The following IFT140 variants were observed in gnomAD, a reference collection of about 807,000 sequenced individuals.
IFT140 encodes the protein intraflagellar transport 140.
Under a neutral mutation model 164.6 loss-of-function variants are expected in IFT140, and 133 were observed. The ratio of observed to expected loss-of-function variants is 0.81; its 90% CI spans 0.70 to 0.93. The LOEUF is 0.93. Ranked by LOEUF, IFT140 falls within the 40% of genes least tolerant of loss-of-function variation. The pLI is 0.00. For synonymous variants in IFT140, 860 were observed against 817.3 expected, an observed-to-expected ratio of 1.05 and a Z score of -0.89; for missense variants, 2,045 against 1,972.3, an observed-to-expected ratio of 1.04 and a Z score of -0.70.
chr16:1,526,676 C>T lies in IFT140; in HGVS notation c.2520G>A (p.Glu840=). The T allele has an allele frequency of 1.2e-6, 2 of 1,600,466 alleles. No individual in the cohort carries two copies. Among genetic ancestry groups the T allele is most frequent in the South Asian group, 1.1e-5 (1 of 89,686 alleles). ...CGCGGGCCTCTAGCTCCGGCTCCTGCTCCGCCTCACGCAGCGCTCGGGCCC... is the reference window on the plus strand; with the variant it reads ...CGCGGGCCTCTAGCTCCGGCTCCTGTTCCGCCTCACGCAGCGCTCGGGCCC... ...ARGARALREA[E]QEPELEARVA... is the part of the protein sequence containing the mutation. Residue 840 remains glutamate (E), a synonymous_variant, in exon 20 of 31, where the codon GAG becomes GAA. Coordinates refer to ENST00000426508, the MANE Select transcript of IFT140 (RefSeq NM_014714.4).
rs1435471665 is a variant in IFT140, at chr16:1,533,039, T to C, written c.2400-6243A>G. On this transcript the variant is annotated intron_variant, in intron 19 of 30. Transcript: ENST00000426508. This position sits in a 1 kb window ranked among gnomAD's most constrained non-coding sequence, Gnocchi z 4.7. ...CCCTTCTTGCCACCTAAGAATGACCTGGCCTCGAGGTCCTCCAAGTACAGG... is the reference window on the plus strand; with the variant it reads ...CCCTTCTTGCCACCTAAGAATGACCCGGCCTCGAGGTCCTCCAAGTACAGG... The C allele has an allele frequency of 6.6e-6, 1 of 152,478 alleles. No individual in the cohort carries two copies. The highest frequency in any genetic ancestry group is 1.5e-5 in the Non-Finnish European group (1 of 68,322). The allele number at this position is 152,478 out of a possible 1,614,324, so 9.4% of individuals were successfully genotyped here.
At chr16:1,541,492 G>A (rs912644393) in intron 19 of IFT140, 12 of 985,412 alleles carry the variant, frequency 1.2e-5, no homozygotes, top group African/African-American at 8.7e-5. Context: ...CGGAGTCTCC[G>A]GTCAGGCAGC....
At chr16:1,520,500 C>T (rs2040490179) in intron 27 of IFT140, 102 bp downstream of exon 27, 2 of 1,391,532 alleles carry the variant, frequency 1.4e-6, no homozygotes, top group Non-Finnish European at 2.0e-6. Flanking sequence ...AAGGCTCAGC[C>T]CTAGCTTGGG....
intron 10 of IFT140, 29 bp downstream of exon 10, chr16:1,586,099 TGA>T: frequency 1.9e-6 from 3 of 1,606,756 alleles, no homozygotes; most frequent in Non-Finnish European, 1.7e-6. Flanking sequence ...CAGCAGAAAA[TGA>T]GTGCACCGAA....
chr16:1,566,786 G>A (rs1567379832), intron 15 of IFT140, among the ~76,000 whole-genome samples: 1 of 152,060 alleles, frequency 6.6e-6, no homozygotes, highest in South Asian at 2.1e-4. Flanking sequence ...TCCCGTCAGT[G>A]TTAACCCCTC....
intron 19 of IFT140, among the ~76,000 whole-genome samples, chr16:1,542,369 T>G (rs2031732422): frequency 6.6e-6 from 1 of 152,156 alleles, no homozygotes; most frequent in Non-Finnish European, 1.5e-5. Context: ...CTTTCCTGAG[T>G]CTGTGGGGTC....
At chr16:1,581,900 C>T (rs911968205) in intron 12 of IFT140, among the ~76,000 whole-genome samples, 2 of 151,124 alleles carry the variant, frequency 1.3e-5, no homozygotes, top group African/African-American at 2.4e-5. Context: ...CTTTAAGCAA[C>T]AAAGTGTTAG....
intron 19 of IFT140, among the ~76,000 whole-genome samples, chr16:1,529,164 G>A (rs1042717364): frequency 1.3e-5 from 2 of 152,162 alleles, no homozygotes; most frequent in Non-Finnish European, 2.9e-5. Flanking sequence ...TGAATTCCAC[G>A]GACGCATTCC....
chr16:1,518,454 C>G lies in IFT140; in HGVS notation c.4041-97G>C, dbSNP rs147755385. 4.6e-5 allele frequency: 57 copies of G among 1,237,878 alleles called. 1 individual carries two copies. Among genetic ancestry groups the G allele is most frequent in the Non-Finnish European group, 5.9e-5 (54 of 922,168 alleles). The allele number at this position is 1,237,878 out of a possible 1,614,324, so 76.7% of individuals were successfully genotyped here. On this transcript the variant is annotated intron_variant, in intron 29 of 30. Coordinates refer to ENST00000426508, the MANE Select transcript of IFT140 (RefSeq NM_014714.4). Reference sequence around the variant, plus strand: ...CTCTTGGCCTGTAAGAGGAGCTCTCCGGAATGGCAGGAGGAAACTTTCTAT... The same window carrying G: ...CTCTTGGCCTGTAAGAGGAGCTCTCGGGAATGGCAGGAGGAAACTTTCTAT...
intron 4 of IFT140, among the ~76,000 whole-genome samples, chr16:1,596,200 T>A (rs1596448012): frequency 7.4e-6 from 1 of 135,938 alleles, no homozygotes; most frequent in South Asian, 2.6e-4. Context: ...GACCCCCCCA[T>A]CCCCCTCCCA....
intron 30 of IFT140, among the ~76,000 whole-genome samples, chr16:1,511,832 G>T (rs938569177): frequency 1.3e-5 from 2 of 151,684 alleles, no homozygotes; most frequent in Non-Finnish European, 2.9e-5. Flanking sequence ...GGACACAGGG[G>T]ACACAGGACG....
At chr16:1,522,683 C>T (rs1220450442) in intron 26 of IFT140, among the ~76,000 whole-genome samples, 1 of 152,032 alleles carries the variant, frequency 6.6e-6, no homozygotes, top group East Asian at 1.9e-4. Context: ...TACTAAAATA[C>T]AAAAATTAGC....
chr16:1,562,268 C>T (rs1484322047), intron 17 of IFT140, 152 bp from the exon 18 acceptor site: 2 of 576,030 alleles, frequency 3.5e-6, no homozygotes, highest in African/African-American at 1.9e-5. Flanking sequence ...GCTTTGATTA[C>T]ACCACCTTTT....
At chr16:1,567,682 G>A (rs768450616) in intron 15 of IFT140, among the ~76,000 whole-genome samples, 3 of 152,204 alleles carry the variant, frequency 2.0e-5, no homozygotes, top group Admixed American at 1.3e-4. Context: ...ATGAACAAGG[G>A]AACCCGCACC....
rs375433528 is a variant in IFT140 at position 1,533,607 on chromosome 16, C to G, written c.2400-6811G>C. ...TGGTGTCTGGCTGCCGCGGCAGGGC[C>G]GCTATTTGTTGCGGTTGGCTACGCC... On this transcript the variant is annotated intron_variant, in intron 19 of 30. Coordinates refer to ENST00000426508, the MANE Select transcript of IFT140 (RefSeq NM_014714.4). This position sits in a 1 kb window ranked among gnomAD's most constrained non-coding sequence, Gnocchi z 4.7. 1 of 152,294 alleles carries G rather than the reference C, an allele frequency of 6.6e-6. No individual in the cohort carries two copies. The highest frequency in any genetic ancestry group is 1.5e-5 in the Non-Finnish European group (1 of 68,110). The allele number at this position is 152,294 out of a possible 1,614,324, so 9.4% of individuals were successfully genotyped here. A position where few individuals can be genotyped will look rare whatever the true frequency, so the allele number is the denominator to read the frequency against.
chr16:1,580,479 T>C, intron 13 of IFT140: 1 of 324,596 alleles, frequency 3.1e-6, no homozygotes, highest in Non-Finnish European at 5.8e-6. Flanking sequence ...TCTCTCTTCC[T>C]CCTGCTCCGG....
chr16:1,535,240 G>A (rs985935876), intron 19 of IFT140, among the ~76,000 whole-genome samples: 4 of 152,136 alleles, frequency 2.6e-5, no homozygotes, highest in Non-Finnish European at 4.4e-5. Flanking sequence ...ACGCTCGGAA[G>A]GGGACAGGGA....
intron 12 of IFT140, 74 bp downstream of exon 12, chr16:1,583,240 T>A: frequency 7.9e-7 from 1 of 1,263,842 alleles, no homozygotes. Context: ...TGCACCACAG[T>A]GGCCCTCTCA....
intron 10 of IFT140, among the ~76,000 whole-genome samples, chr16:1,584,959 T>C (rs1298438125): frequency 6.6e-6 from 1 of 152,172 alleles, no homozygotes; most frequent in African/African-American, 2.4e-5. Context: ...ATGTTGGACT[T>C]AGCAAAGACT....
Sources: gnomAD v4.1 joint callset for allele counts (sites outside exome capture counted in the v4.1 genomes callset) on GRCh38, gnomAD v4.1.1 for gene constraint, Gnocchi (gnomAD v3.1) non-coding constraint, MANE v1.5 for transcripts, NCBI Gene and HGNC (gene_info 2026-07-23, HGNC 2026-07-21) for gene names.